The following DDR2 variants were observed in gnomAD, a reference collection of about 807,000 sequenced individuals.
DDR2 encodes discoidin domain receptor tyrosine kinase 2, also known as discoidin domain-containing receptor 2.
In DDR2, 27 loss-of-function variants were observed where a neutral mutation model predicts 94.9. That is an observed-to-expected ratio of 0.28 (90% CI 0.21 to 0.39). The LOEUF (loss-of-function observed/expected upper bound fraction) is 0.39. Among genes scored for constraint, DDR2 ranks in the 10% least tolerant of loss-of-function variants. The pLI is 1.00. For missense variants in DDR2, 783 were observed against 1,076.0 expected, an observed-to-expected ratio of 0.73 and a Z score of 3.81; for synonymous variants, 382 against 377.2, an observed-to-expected ratio of 1.01 and a Z score of -0.15.
chr1:162,780,098 T>A lies in DDR2; in HGVS notation c.2434-14T>A, dbSNP rs2102210996. On this transcript the variant is annotated splice_polypyrimidine_tract_variant and intron_variant, in intron 17 of 17. Transcript: ENST00000367921. ...CTCTCTCTCTTTTGTTTTCCTTTAT[T>A]TTTGTTCCCAAAGACTTACCTCCCT... 1 of 1,613,914 alleles carries A rather than the reference T, an allele frequency of 6.2e-7. No individual in the cohort carries two copies. The highest frequency in any genetic ancestry group is 8.5e-7 in the Non-Finnish European group (1 of 1,179,850).
Position 162,780,632 on chromosome 1 carries a change from A to G in DDR2, c.*386A>G, listed in dbSNP as rs1647853910. The G allele has an allele frequency of 5.1e-6, 1 of 197,410 alleles. No homozygotes were observed. Among genetic ancestry groups the G allele is most frequent in the Non-Finnish European group, 1.0e-5 (1 of 95,406 alleles). 12.2% of individuals were successfully genotyped at this position (197,410 alleles called of 1,614,324 possible). A position where few individuals can be genotyped will look rare whatever the true frequency, so the allele number is the denominator to read the frequency against. On this transcript the variant is annotated 3_prime_UTR_variant, in exon 18 of 18. Coordinates refer to ENST00000367921, the MANE Select transcript of DDR2 (RefSeq NM_006182.4). ...TGTCATTCTAAAAGAATCTTCAGAA[A>G]GAAAAACTTGAAGAATACTAATGTC...
At chr1:162,670,354 C>T (rs888306724) in intron 2 of DDR2, among the ~76,000 whole-genome samples, 13 of 152,228 alleles carry the variant, frequency 8.5e-5, no homozygotes, top group African/African-American at 3.1e-4. Context: ...GATCTGCCTG[C>T]CTTGGCCTCC....
rs746158614 is a variant in DDR2 at position 162,767,287 on chromosome 1, C to G, written c.1221C>G (p.Ala407=). The G allele has an allele frequency of 6.2e-7, 1 of 1,614,072 alleles. No individual in the cohort carries two copies. The highest frequency in any genetic ancestry group is 8.5e-7 in the Non-Finnish European group (1 of 1,180,008). The change falls in exon 11 of 18, where the codon GCC becomes GCG. Residue 407 remains alanine (A), a synonymous_variant. Coordinates refer to ENST00000367921, the MANE Select transcript of DDR2 (RefSeq NM_006182.4). The part of the protein sequence containing the change: ...NTRILIGCLV[A]IIFILLAIIV... ...GGATCCTGATTGGCTGCTTGGTGGC[C>G]ATCATCTTTATCCTCCTGGCCATCA...
chr1:162,741,839 A>C, intron 3 of DDR2: 4 of 744,364 alleles, frequency 5.4e-6, no homozygotes, highest in Non-Finnish European at 6.6e-6. Context: ...TTATTCATTA[A>C]GTCACTGGTG....
rs570251810 is a variant in DDR2, at chr1:162,643,107, T to C, written c.-192+10476T>C. 2.0e-5 allele frequency among the ~76,000 whole-genome samples: 3 copies of C among 152,268 alleles called. No individual in the cohort carries two copies. The East Asian group carries it at 5.8e-4, about 29-fold the overall frequency. The stretch of plus-strand genomic sequence containing the variant: ...AAGAGGATTGATGGTTTTCCTATTG[T>C]CTTTCCTTCACAACTTTCTGAAGTT... On this transcript the variant is annotated intron_variant, in intron 1 of 17. Coordinates refer to ENST00000367921, the MANE Select transcript of DDR2 (RefSeq NM_006182.4).
chr1:162,636,774 T>C (rs1352033650), intron 1 of DDR2, among the ~76,000 whole-genome samples: 2 of 152,110 alleles, frequency 1.3e-5, no homozygotes, highest in African/African-American at 4.8e-5. Context: ...TGCAAGATAA[T>C]CCTTAGGGCC....
At chr1:162,770,250 T>C (rs1377988307) in intron 11 of DDR2, 52 bp from the exon 12 acceptor site, 1 of 1,560,274 alleles carries the variant, frequency 6.4e-7, no homozygotes, top group Admixed American at 1.7e-5. Context: ...AGAGGAGGCA[T>C]TGACCATCTC....
chr1:162,705,428 G>A (rs1011762032), intron 2 of DDR2, among the ~76,000 whole-genome samples: 3 of 152,178 alleles, frequency 2.0e-5, no homozygotes, highest in Non-Finnish European at 2.9e-5. Context: ...CGGGCTGCCC[G>A]TTGTTTTTGT....
At chr1:162,719,237 GGGA>G in intron 3 of DDR2, 92 bp downstream of exon 3, 4 of 1,598,672 alleles carry the variant, frequency 2.5e-6, no homozygotes, top group Non-Finnish European at 3.4e-6. Context: ...GCTGCCAAGA[GGGA>G]CTACAAAGCT....
intron 1 of DDR2, among the ~76,000 whole-genome samples, chr1:162,642,220 G>T (rs1189394236): frequency 6.6e-6 from 1 of 151,984 alleles, no homozygotes; most frequent in African/African-American, 2.4e-5. Context: ...GCTTCCCAAA[G>T]TGTTGGGATT....
At chr1:162,737,491 T>A (rs571733750) in intron 3 of DDR2, among the ~76,000 whole-genome samples, 3 of 136,710 alleles carry the variant, frequency 2.2e-5, no homozygotes, top group Admixed American at 2.2e-4. Context: ...CATGAACTCA[T>A]CATTTTTTAT....
intron 2 of DDR2, among the ~76,000 whole-genome samples, chr1:162,695,595 C>CT (rs1482620912): frequency 1.3e-5 from 2 of 152,132 alleles, no homozygotes; most frequent in Non-Finnish European, 2.9e-5. Flanking sequence ...CTATTGATCC[C>CT]TGCTGGGCAT....
intron 2 of DDR2, among the ~76,000 whole-genome samples, chr1:162,681,405 C>G (rs1327114923): frequency 6.6e-6 from 1 of 152,184 alleles, no homozygotes; most frequent in African/African-American, 2.4e-5. Flanking sequence ...ATTGTGTCCT[C>G]TTTTCATTAA....
At chr1:162,745,508 G>A (rs991234034) in intron 3 of DDR2, among the ~76,000 whole-genome samples, 3 of 151,812 alleles carry the variant, frequency 2.0e-5, no homozygotes, top group African/African-American at 7.3e-5. Context: ...TGGGTACAAT[G>A]TATGATAATA....
intron 2 of DDR2, among the ~76,000 whole-genome samples, chr1:162,706,372 A>T (rs900934297): frequency 2.6e-5 from 4 of 152,196 alleles, no homozygotes; most frequent in African/African-American, 9.7e-5. Flanking sequence ...AAAATTCTAC[A>T]TTCATATGTG....
At chr1:162,676,796 A>ACTAAGGATAAGTAAC in intron 2 of DDR2, among the ~76,000 whole-genome samples, 1 of 152,322 alleles carries the variant, frequency 6.6e-6, no homozygotes, top group African/African-American at 2.4e-5. Flanking sequence ...AGTGAGGCTC[A>ACTAAGGATAAGTAAC]CTAAGGATAA....
intron 2 of DDR2, among the ~76,000 whole-genome samples, chr1:162,661,383 TC>T (rs1441456706): frequency 6.6e-6 from 1 of 152,240 alleles, no homozygotes; most frequent in East Asian, 1.9e-4. Flanking sequence ...CACATTTTAC[TC>T]CTAAAAAGGT....
At chr1:162,697,154 A>C (rs1231052297) in intron 2 of DDR2, among the ~76,000 whole-genome samples, 1 of 152,136 alleles carries the variant, frequency 6.6e-6, no homozygotes. Flanking sequence ...TTTCTCTGTT[A>C]ATCTTTTTAT....
intron 9 of DDR2, among the ~76,000 whole-genome samples, chr1:162,763,224 A>G (rs1663829893): frequency 6.7e-6 from 1 of 148,176 alleles, no homozygotes; most frequent in Admixed American, 6.8e-5. Flanking sequence ...TCTGTTGCCC[A>G]GGCTGGAGTA....
Sources: allele counts gnomAD v4.1 joint callset (sites outside exome capture counted in the v4.1 genomes callset), GRCh38; gene constraint gnomAD v4.1.1; transcripts MANE v1.5; gene names NCBI Gene and HGNC (gene_info 2026-07-23, HGNC 2026-07-21).